The following ERC1 variants were observed in gnomAD, a reference collection of about 807,000 sequenced individuals.
ERC1 encodes RAB6 interacting protein 2.
In ERC1, 56 loss-of-function variants were observed where a neutral mutation model predicts 132.0. That is an observed-to-expected ratio of 0.42 (90% CI 0.34 to 0.53). The LOEUF is 0.53. Among genes scored for constraint, ERC1 ranks in the 20% least tolerant of loss-of-function variants. The pLI is 0.03. For missense variants in ERC1, 1,202 were observed against 1,349.9 expected (o/e 0.89, Z 1.72); for synonymous variants, 478 against 476.1 (o/e 1.00, Z -0.05).
chr12:1,466,032 C>T (rs748558521), intron 18 of ERC1, among the ~76,000 whole-genome samples: 1 of 152,184 alleles, frequency 6.6e-6, no homozygotes, highest in Non-Finnish European at 1.5e-5. Flanking sequence ...AGTGTATAAA[C>T]TGATATGAAA....
chr12:1,037,791 G>GC (rs1332548369), intron 2 of ERC1, among the ~76,000 whole-genome samples: 1 of 152,012 alleles, frequency 6.6e-6, no homozygotes, highest in Non-Finnish European at 1.5e-5. Flanking sequence ...ACGTTTGTAA[G>GC]CCCAGCACTT....
intron 18 of ERC1, among the ~76,000 whole-genome samples, chr12:1,450,826 GT>G (rs1565465729): frequency 2.6e-5 from 4 of 152,124 alleles, no homozygotes; most frequent in African/African-American, 9.7e-5. Flanking sequence ...GTAGTCTTTC[GT>G]GTGTTTTTTA....
intron 18 of ERC1, among the ~76,000 whole-genome samples, chr12:1,455,371 C>A (rs1207667596): frequency 2.0e-5 from 3 of 152,202 alleles, no homozygotes; most frequent in African/African-American, 7.2e-5. Context: ...CACGCCCCAA[C>A]CCCCTTCCTG....
At chr12:1,482,201 C>A (rs569589805) in intron 18 of ERC1, among the ~76,000 whole-genome samples, 1 of 152,128 alleles carries the variant, frequency 6.6e-6, no homozygotes, top group Non-Finnish European at 1.5e-5. Context: ...TTCCTGTGCT[C>A]CAGAATTGCA....
chr12:1,094,592 G>A (rs1943766875), intron 3 of ERC1, among the ~76,000 whole-genome samples: 1 of 151,836 alleles, frequency 6.6e-6, no homozygotes, highest in African/African-American at 2.4e-5. Flanking sequence ...TGTATTTTTA[G>A]TAGAAATGGG....
chr12:1,474,559 ATGT>A (rs2093932413), intron 18 of ERC1, among the ~76,000 whole-genome samples: 2 of 152,136 alleles, frequency 1.3e-5, no homozygotes, highest in Non-Finnish European at 2.9e-5. Context: ...TAGAGAGAAA[ATGT>A]TGTTTCTGTT....
At chr12:1,091,259 C>T (rs918308881) in intron 3 of ERC1, among the ~76,000 whole-genome samples, 12 of 152,214 alleles carry the variant, frequency 7.9e-5, no homozygotes, top group African/African-American at 2.4e-4. Context: ...GAATGCTGTG[C>T]ATCAGCACTG....
At chr12:1,427,440 G>A (rs1255374928) in intron 17 of ERC1, among the ~76,000 whole-genome samples, 1 of 152,182 alleles carries the variant, frequency 6.6e-6, no homozygotes, top group Admixed American at 6.5e-5. Context: ...TCACAGATCA[G>A]CATTACTGTT....
intron 18 of ERC1, among the ~76,000 whole-genome samples, chr12:1,469,680 G>C (rs769736954): frequency 6.6e-6 from 1 of 152,200 alleles, no homozygotes; most frequent in African/African-American, 2.4e-5. Context: ...CGTCCCGGGA[G>C]TCCCTCATTC....
intron 15 of ERC1, among the ~76,000 whole-genome samples, chr12:1,299,199 A>G (rs2080207735): frequency 2.0e-5 from 3 of 152,324 alleles, no homozygotes; most frequent in South Asian, 2.1e-4. Flanking sequence ...ATAGAATACT[A>G]CATCTAACAA....
At position 1,329,031 on chromosome 12, in the gene ERC1, C is replaced by CAAAGT. The variant is rs1203107200; in HGVS notation, c.2780+39019_2780+39020insAAAGT. On this transcript the variant is annotated intron_variant, in intron 15 of 18. Transcript: ENST00000360905. ...CTTAGCGACCAGGCACGGTGGCTCA[C>CAAAGT]GCCTGTAATCCCAGCACTTTGGGAG... Among the ~76,000 whole-genome samples, 2 of 144,210 alleles carry CAAAGT rather than the reference C, an allele frequency of 1.4e-5. 1 individual carries two copies. Among genetic ancestry groups the CAAAGT allele is most frequent in the African/African-American group, 5.2e-5 (2 of 38,458 alleles). The allele number at this position is 144,210 out of a possible 152,430, so 94.6% of individuals were successfully genotyped here. A position where few individuals can be genotyped will look rare whatever the true frequency, so the allele number is the denominator to read the frequency against.
intron 16 of ERC1, chr12:1,381,221 CT>C (rs1471004666): frequency 6.6e-6 from 1 of 152,214 alleles, no homozygotes. Context: ...TTGATGGTGA[CT>C]GTTGTTTTAT....
chr12:1,170,343 A>T (rs1001919838), intron 8 of ERC1, among the ~76,000 whole-genome samples: 7 of 152,272 alleles, frequency 4.6e-5, no homozygotes, highest in South Asian at 4.1e-4. Context: ...GGATTTTTTT[A>T]AAAAATTAAG....
chr12:1,248,474 T>C (rs2076284956), intron 13 of ERC1, among the ~76,000 whole-genome samples: 1 of 152,118 alleles, frequency 6.6e-6, no homozygotes, highest in Non-Finnish European at 1.5e-5. Flanking sequence ...TATTGAGATC[T>C]GAAAAAGCCT....
intron 18 of ERC1, among the ~76,000 whole-genome samples, chr12:1,473,408 C>G (rs570792675): frequency 1.3e-5 from 2 of 152,200 alleles, no homozygotes; most frequent in South Asian, 4.1e-4. Flanking sequence ...TTGGTCTAAG[C>G]AACAGCCTTT....
chr12:1,351,885 T>C (rs1442153428), intron 15 of ERC1, among the ~76,000 whole-genome samples: 1 of 152,210 alleles, frequency 6.6e-6, no homozygotes, highest in African/African-American at 2.4e-5. Flanking sequence ...TTCTGTGTCT[T>C]ATTTTCTCAT....
At position 1,238,365 on chromosome 12, in the gene ERC1, A is replaced by G. The variant is rs2075568639; in HGVS notation, c.2487+1461A>G. On this transcript the variant is annotated intron_variant, in intron 13 of 18. Coordinates refer to ENST00000360905, the MANE Select transcript of ERC1 (RefSeq NM_178040.4). ...CTTAGTTTATCCACATTTTGAGAGT[A>G]TATATTTACACATAAATACTTTTAA... Among the ~76,000 whole-genome samples, 5 of 152,126 alleles carry G rather than the reference A, an allele frequency of 3.3e-5. No homozygotes were observed. The South Asian group carries it at 1.0e-3, about 32-fold the overall frequency.
intron 2 of ERC1, among the ~76,000 whole-genome samples, chr12:1,079,795 A>G (rs1347519886): frequency 2.1e-5 from 3 of 145,472 alleles, no homozygotes; most frequent in Admixed American, 6.8e-5. Context: ...GATTTGTAAT[A>G]TGACAAAAGT....
At chr12:1,349,304 G>A in intron 15 of ERC1, among the ~76,000 whole-genome samples, 1 of 152,180 alleles carries the variant, frequency 6.6e-6, no homozygotes, top group East Asian at 1.9e-4. Context: ...AATCCGTAAA[G>A]TGAGATTGAT....
Sources: gnomAD v4.1 joint callset for allele counts (sites outside exome capture counted in the v4.1 genomes callset) on GRCh38, gnomAD v4.1.1 for gene constraint, MANE v1.5 for transcripts, NCBI Gene and HGNC (gene_info 2026-07-23, HGNC 2026-07-21) for gene names.